The following KIF5A variants were observed in gnomAD, a reference collection of about 807,000 sequenced individuals.
The protein encoded by KIF5A is kinesin heavy chain isoform 5A.
A neutral mutation model predicts 141.3 loss-of-function variants in KIF5A; 35 were observed. The observed-to-expected ratio is 0.25, with a 90% CI of 0.19 to 0.33. The LOEUF (loss-of-function observed/expected upper bound fraction) is 0.33. Among genes scored for constraint, KIF5A ranks in the 10% least tolerant of loss-of-function variants. The pLI is 1.00. For synonymous variants in KIF5A, 448 were observed against 500.2 expected (o/e 0.90, Z 1.39); for missense variants, 861 against 1,314.3 (o/e 0.66, Z 5.33).
intron 20 of KIF5A, among the ~76,000 whole-genome samples, chr12:57,577,065 G>A (rs558252732): frequency 1.3e-5 from 2 of 152,276 alleles, no homozygotes; most frequent in Admixed American, 6.5e-5. Context: ...GGAGGTTTAC[G>A]TGTTCTATTC....
intron 15 of KIF5A, among the ~76,000 whole-genome samples, chr12:57,573,562 G>T (rs939874503): frequency 2.6e-5 from 4 of 151,938 alleles, no homozygotes; most frequent in Non-Finnish European, 5.9e-5. Flanking sequence ...GTACATGGTG[G>T]CTCACGCCTG....
chr12:57,576,738 C>T (rs1882438702), intron 19 of KIF5A, 23 bp from the exon 20 acceptor site: 2 of 1,562,172 alleles, frequency 1.3e-6, no homozygotes, highest in South Asian at 1.1e-5. Context: ...CCCCCATCTC[C>T]ATTACCTTCT....
At chr12:57,552,539 G>A (rs1251624817) in intron 1 of KIF5A, among the ~76,000 whole-genome samples, 2 of 152,116 alleles carry the variant, frequency 1.3e-5, no homozygotes, top group Non-Finnish European at 2.9e-5. Flanking sequence ...TTACGGGGGG[G>A]CCATTTTGTC....
chr12:57,577,739 C>G lies in KIF5A; in HGVS notation c.2327C>G (p.Ser776Cys). 6.2e-7 allele frequency: 1 copy of G among 1,613,968 alleles called. No homozygotes were observed. ...TTTCTGTACGAGCGACATGAGCAGTCCAAGCAGGACCTCAAGGGTCTGGAG... is the reference window on the plus strand; with the variant it reads ...TTTCTGTACGAGCGACATGAGCAGTGCAAGCAGGACCTCAAGGGTCTGGAG... ...LTFLYERHEQ[S>C]KQDLKGLEET... Residue 776 changes from serine to cysteine, a missense_variant, in exon 21 of 29, where the codon TCC becomes TGC. Coordinates refer to ENST00000455537, the MANE Select transcript of KIF5A (RefSeq NM_004984.4).
intron 1 of KIF5A, among the ~76,000 whole-genome samples, chr12:57,554,974 G>A (rs181335792): frequency 1.3e-5 from 2 of 152,278 alleles, no homozygotes; most frequent in East Asian, 1.9e-4. Context: ...AGATTTGGAG[G>A]GGACAAACAT....
Position 57,570,054 on chromosome 12 carries a change from G to A in KIF5A, c.1185G>A (p.Glu395=), listed in dbSNP as rs776826605. Residue 395 remains glutamate, a synonymous_variant, in exon 12 of 29, where the codon GAG becomes GAA. Transcript: ENST00000455537. The stretch of plus-strand genomic sequence containing the variant: ...CAGCCCTGGGAGCCGAGCTCTGTGA[G>A]GAGACCCCTGTGAATGACAACTCAT... ...EEAALGAELC[E]ETPVNDNSSI... 6.2e-7 allele frequency: 1 copy of A among 1,614,060 alleles called. No individual in the cohort carries two copies. Among genetic ancestry groups the A allele is most frequent in the African/African-American group, 1.3e-5 (1 of 74,948 alleles).
chr12:57,571,587 A>G (rs1165711511), intron 13 of KIF5A, among the ~76,000 whole-genome samples, 198 bp downstream of exon 13: 1 of 143,536 alleles, frequency 7.0e-6, no homozygotes, highest in Admixed American at 7.0e-5. Context: ...TTTTTTTTTT[A>G]GAGATGGAGT....
At chr12:57,564,590 C>T (rs1882007249) in intron 5 of KIF5A, 82 bp downstream of exon 5, 2 of 1,160,644 alleles carry the variant, frequency 1.7e-6, no homozygotes, top group African/African-American at 3.0e-5. Context: ...AATTAGGTAC[C>T]AATTGACAAG....
At chr12:57,569,187 C>T in intron 9 of KIF5A, 69 bp from the exon 10 acceptor site, 1 of 1,600,212 alleles carries the variant, frequency 6.2e-7, no homozygotes, top group Non-Finnish European at 8.6e-7. Context: ...GGTGGCACCA[C>T]TATCCTTTCT....
intron 16 of KIF5A, 28 bp from the exon 17 acceptor site, chr12:57,575,612 C>G: frequency 6.3e-7 from 1 of 1,584,614 alleles, no homozygotes; most frequent in Non-Finnish European, 8.7e-7. Flanking sequence ...GCTCCATCTT[C>G]TTCCTCTCAC....
intron 1 of KIF5A, among the ~76,000 whole-genome samples, chr12:57,560,105 T>C (rs1881866547): frequency 6.6e-6 from 1 of 152,194 alleles, no homozygotes; most frequent in Non-Finnish European, 1.5e-5. Context: ...TTGGCCAGGC[T>C]AGTCTCGAAC....
intron 1 of KIF5A, among the ~76,000 whole-genome samples, chr12:57,558,129 G>C (rs1239163855): frequency 6.6e-6 from 1 of 152,218 alleles, no homozygotes; most frequent in Non-Finnish European, 1.5e-5. Flanking sequence ...AAAACAGCCT[G>C]GGTGTGGTGG....
At position 57,575,701 on chromosome 12, in the gene KIF5A, A is replaced by G. The variant is rs770636366; in HGVS notation, c.1967A>G (p.His656Arg). Residue 656 changes from histidine (H) to arginine (R), a missense_variant, in exon 17 of 29, where the codon CAC becomes CGC. Physicochemically the swap from His to Arg is conservative, Grantham distance 29. Around this residue, in one of 5 missense-constraint regions of KIF5A, gnomAD observed 482 missense variants for 661.3 expected, o/e 0.73. Coordinates refer to ENST00000455537, the MANE Select transcript of KIF5A (RefSeq NM_004984.4). The part of the protein sequence containing the change: ...YMQSVELKKR[H>R]LEESYDSLSD... The stretch of plus-strand genomic sequence containing the variant: ...CAGAGCGTGGAGCTAAAGAAGCGGC[A>G]CCTGGAAGAGTCCTATGACTCCTTG... 6.2e-7 allele frequency: 1 copy of G among 1,614,172 alleles called. No homozygotes were observed. Among genetic ancestry groups the G allele is most frequent in the Admixed American group, 1.7e-5 (1 of 60,014 alleles).
At chr12:57,556,685 C>T (rs1227921986) in intron 1 of KIF5A, among the ~76,000 whole-genome samples, 1 of 134,192 alleles carries the variant, frequency 7.5e-6, no homozygotes, top group East Asian at 2.1e-4. Context: ...TGTTGGTGCC[C>T]ATGTGTTTGT....
chr12:57,575,329 G>A (rs944207456), intron 16 of KIF5A, 57 bp downstream of exon 16: 1 of 1,541,110 alleles, frequency 6.5e-7, no homozygotes, highest in African/African-American at 1.4e-5. Flanking sequence ...GGCTACTCTG[G>A]GGTTATGGCT....
At chr12:57,584,171 T>A (rs1348997878) in intron 28 of KIF5A, 47 bp from the exon 29 acceptor site, 1 of 152,566 alleles carries the variant, frequency 6.6e-6, no homozygotes, top group Non-Finnish European at 1.5e-5. Context: ...GTTCTGTGAC[T>A]GAGCTACAAG....
At chr12:57,556,616 C>T (rs1881753993) in intron 1 of KIF5A, among the ~76,000 whole-genome samples, 1 of 150,512 alleles carries the variant, frequency 6.6e-6, no homozygotes. Context: ...CCTTCTAGAT[C>T]CTGTAACTGG....
In KIF5A at chr12:57,576,789, G is replaced by A. The variant is rs1369177203; in HGVS notation, c.2227G>A (p.Glu743Lys). The A allele has an allele frequency of 1.9e-6, 3 of 1,613,846 alleles. No homozygotes were observed. Among genetic ancestry groups the A allele is most frequent in the Middle Eastern group, 1.7e-4 (1 of 6,058 alleles). Residue 743 changes from glutamate (E) to lysine (K), a missense_variant, in exon 20 of 29, where the codon GAG becomes AAG. Glu to Lys is a moderately conservative substitution (Grantham distance 56, BLOSUM62 1). Coordinates refer to ENST00000455537, the MANE Select transcript of KIF5A (RefSeq NM_004984.4). ...AAATCAGAAGCTCCAGTTAGAGCTA[G>A]AGAAGCTTCAGGCTGACTACGAGAA... ...DLNQKLQLEL[E>K]KLQADYEKLK... is the part of the protein sequence containing the mutation.
At chr12:57,582,662 G>T (rs755087160) in intron 27 of KIF5A, 33 bp downstream of exon 27, 13 of 1,565,900 alleles carry the variant, frequency 8.3e-6, no homozygotes, top group African/African-American at 2.7e-5. Flanking sequence ...TGGGTTCTCT[G>T]GGTGGGACCA....
Sources: allele counts gnomAD v4.1 joint callset (sites outside exome capture counted in the v4.1 genomes callset), GRCh38; gene constraint gnomAD v4.1.1; regional missense constraint gnomAD v4.1.1; transcripts MANE v1.5; gene names NCBI Gene and HGNC (gene_info 2026-07-23, HGNC 2026-07-21).